DROSHA: variants seen among roughly 807,000 people sequenced by gnomAD.
DROSHA encodes the protein ribonuclease 3.
DROSHA carries 56 observed loss-of-function variants against 181.9 expected under a neutral mutation model. The observed-to-expected ratio is 0.31, with a 90% CI of 0.25 to 0.38. The LOEUF (loss-of-function observed/expected upper bound fraction) is 0.38, where lower values mean the gene tolerates loss of function less well. Ranked by LOEUF, DROSHA falls within the 10% of genes least tolerant of loss-of-function variation. The pLI is 1.00. For missense variants in DROSHA, 1,218 were observed against 1,743.5 expected (o/e 0.70, Z 5.37); for synonymous variants, 524 against 591.2 (o/e 0.89, Z 1.65).
intron 11 of DROSHA, among the ~76,000 whole-genome samples, chr5:31,503,115 C>T (rs2150049327): frequency 6.6e-6 from 1 of 152,126 alleles, no homozygotes; most frequent in Non-Finnish European, 1.5e-5. Flanking sequence ...TACCAGGGTA[C>T]CAAGCAGACA....
intron 11 of DROSHA, among the ~76,000 whole-genome samples, chr5:31,499,246 C>T (rs1239388829): frequency 6.6e-6 from 1 of 152,222 alleles, no homozygotes; most frequent in Non-Finnish European, 1.5e-5. Context: ...ATCCTTCTGT[C>T]CAATCCTGCT....
chr5:31,530,440 T>G (rs1741145936), intron 3 of DROSHA, among the ~76,000 whole-genome samples: 1 of 151,980 alleles, frequency 6.6e-6, no homozygotes, highest in African/African-American at 2.4e-5. Context: ...AGGCTTGTTC[T>G]CCAGTACCTT....
intron 23 of DROSHA, among the ~76,000 whole-genome samples, chr5:31,442,250 C>T (rs550467437): frequency 2.0e-4 from 30 of 152,272 alleles, no homozygotes; most frequent in African/African-American, 6.7e-4. Flanking sequence ...TACATTATGA[C>T]TAAACTCTGG....
chr5:31,450,463 A>C (rs546255792), intron 21 of DROSHA, among the ~76,000 whole-genome samples: 21 of 152,232 alleles, frequency 1.4e-4, no homozygotes, highest in Non-Finnish European at 3.1e-4. Context: ...GATAAAGAAA[A>C]CGTGGTATAC....
At chr5:31,493,951 G>C (rs898357021) in intron 12 of DROSHA, among the ~76,000 whole-genome samples, 23 of 46,758 alleles carry the variant, frequency 4.9e-4, no homozygotes, top group Non-Finnish European at 1.5e-3. Context: ...GTGTGTGTGT[G>C]TGTGTGTGTG....
chr5:31,462,506 GCAAGAGA>G (rs1748516363), intron 20 of DROSHA, among the ~76,000 whole-genome samples: 2 of 152,096 alleles, frequency 1.3e-5, no homozygotes, highest in Non-Finnish European at 2.9e-5. Context: ...ATATCACACA[GCAAGAGA>G]CAAGATCACT....
chr5:31,491,952 G>A (rs1328777167), intron 13 of DROSHA, among the ~76,000 whole-genome samples: 1 of 152,058 alleles, frequency 6.6e-6, no homozygotes, highest in African/African-American at 2.4e-5. Flanking sequence ...ACACCACCAT[G>A]CCCAGCTAAT....
chr5:31,490,355 T>A, intron 13 of DROSHA, among the ~76,000 whole-genome samples: 1 of 151,894 alleles, frequency 6.6e-6, no homozygotes, highest in Non-Finnish European at 1.5e-5. Flanking sequence ...CTAATATTTT[T>A]ATTTTTTTGT....
intron 23 of DROSHA, among the ~76,000 whole-genome samples, chr5:31,446,371 C>T (rs965488300): frequency 5.8e-5 from 8 of 138,120 alleles, no homozygotes; most frequent in South Asian, 2.4e-4. Context: ...GGCGTGAACC[C>T]GGGAGGTAGA....
chr5:31,485,412 A>G (rs1180188790), intron 14 of DROSHA, among the ~76,000 whole-genome samples: 3 of 151,566 alleles, frequency 2.0e-5, no homozygotes, highest in Admixed American at 2.0e-4. Flanking sequence ...TCAAAAAGTA[A>G]TGAATGCAAA....
intron 35 of DROSHA, 45 bp downstream of exon 35, chr5:31,405,632 C>T (rs569320628): frequency 3.4e-6 from 5 of 1,486,662 alleles, no homozygotes; most frequent in East Asian, 2.5e-5. Flanking sequence ...CCATAAAACA[C>T]TCATTACATT....
At chr5:31,507,081 G>A (rs1738060993) in intron 10 of DROSHA, among the ~76,000 whole-genome samples, 1 of 152,126 alleles carries the variant, frequency 6.6e-6, no homozygotes, top group Non-Finnish European at 1.5e-5. Flanking sequence ...TTGGGAGGCT[G>A]AGGCAGGAGG....
At chr5:31,448,797 A>C (rs943195678) in intron 22 of DROSHA, among the ~76,000 whole-genome samples, 190 bp from the exon 23 acceptor site, 6 of 152,180 alleles carry the variant, frequency 3.9e-5, no homozygotes, top group Admixed American at 3.9e-4. Flanking sequence ...TAAAAAACTC[A>C]TCAACCCTTA....
At chr5:31,441,289 T>G (rs1745567576) in intron 23 of DROSHA, among the ~76,000 whole-genome samples, 1 of 152,046 alleles carries the variant, frequency 6.6e-6, no homozygotes, top group Non-Finnish European at 1.5e-5. Context: ...CACGTGCCTG[T>G]AGTCTCAGCT....
chr5:31,517,017 G>C, intron 6 of DROSHA, among the ~76,000 whole-genome samples: 1 of 152,118 alleles, frequency 6.6e-6, no homozygotes, highest in East Asian at 1.9e-4. Context: ...CCACATAAGA[G>C]TTCCCATTTC....
At chr5:31,522,375 T>C (rs938627850) in intron 5 of DROSHA, among the ~76,000 whole-genome samples, 2 of 152,182 alleles carry the variant, frequency 1.3e-5, no homozygotes, top group Non-Finnish European at 2.9e-5. Context: ...TATATGTAAT[T>C]TGTAATGGCA....
intron 9 of DROSHA, among the ~76,000 whole-genome samples, chr5:31,510,153 A>G (rs752426214): frequency 6.6e-6 from 1 of 152,116 alleles, no homozygotes; most frequent in Non-Finnish European, 1.5e-5. Context: ...AATTAATCCT[A>G]TAAGAGATTA....
intron 30 of DROSHA, among the ~76,000 whole-genome samples, chr5:31,419,446 T>A (rs539257670): frequency 9.7e-4 from 148 of 152,280 alleles, no homozygotes; most frequent in Non-Finnish European, 4.9e-4. Context: ...GGCATTGAAG[T>A]GACTTTGGAA....
intron 31 of DROSHA, 40 bp downstream of exon 31, chr5:31,410,704 ACT>A (rs1318443245): frequency 2.5e-6 from 4 of 1,592,872 alleles, no homozygotes; most frequent in Non-Finnish European, 3.4e-6. Flanking sequence ...TTGGACTTAA[ACT>A]CTGAACCTGG....
Sources: allele counts gnomAD v4.1 joint callset (sites outside exome capture counted in the v4.1 genomes callset), GRCh38; gene constraint gnomAD v4.1.1; transcripts MANE v1.5; gene names NCBI Gene and HGNC (gene_info 2026-07-23, HGNC 2026-07-21).